The following CELA1 variants were observed in gnomAD, a reference collection of about 807,000 sequenced individuals.
CELA1 encodes chymotrypsin like elastase 1.
Under a neutral mutation model 34.8 loss-of-function variants are expected in CELA1, and 28 were observed. The ratio of observed to expected loss-of-function variants is 0.80; its 90% CI spans 0.60 to 1.10. CELA1 has a LOEUF of 1.10. Ranked by LOEUF, CELA1 falls within the 50% of genes least tolerant of loss-of-function variation. The probability of loss-of-function intolerance (pLI) is 0.00; values close to 1 mark genes in which losing one functional copy is unlikely to be tolerated. For synonymous variants in CELA1, 140 were observed against 129.8 expected, an observed-to-expected ratio of 1.08 and a Z score of -0.53; for missense variants, 288 against 327.5, an observed-to-expected ratio of 0.88 and a Z score of 0.93.
chr12:51,328,673 G>A lies in CELA1; in HGVS notation c.760-79C>T, dbSNP rs17860372. ...TTGTTTCCTCAGGGCTCCCAGTTAA[G>A]TATGGTTTTGTACTGGGTTTATGGG... On this transcript the variant is annotated intron_variant, in intron 7 of 7. Coordinates refer to ENST00000293636, the MANE Select transcript of CELA1 (RefSeq NM_001971.6). The A allele has an allele frequency of 6.8e-4, 1,029 of 1,511,234 alleles. 2 individuals carry two copies. The highest frequency in any genetic ancestry group is 8.8e-4 in the Non-Finnish European group (953 of 1,087,288). The allele number at this position is 1,511,234 out of a possible 1,614,324, so 93.6% of individuals were successfully genotyped here.
At chr12:51,333,324 C>G (rs1946481829) in intron 6 of CELA1, among the ~76,000 whole-genome samples, 1 of 151,768 alleles carries the variant, frequency 6.6e-6, no homozygotes, top group Admixed American at 6.6e-5. Flanking sequence ...GAACTCCTGA[C>G]CTCAGGTGAT....
Position 51,343,836 on chromosome 12 carries a change from C to T in CELA1, c.117G>A (p.Arg39=). 1 of 1,597,554 alleles carries T rather than the reference C, an allele frequency of 6.3e-7. No homozygotes were observed. The highest frequency in any genetic ancestry group is 8.6e-7 in the Non-Finnish European group (1 of 1,166,828). ...SWPSQISLQY[R]SGGSRYHTCG... is the part of the protein sequence containing the mutation. ...AGGTGTGATACCGGGAACCTCCAGA[C>T]CGGTACTGGAGGGAAATCTAGATGG... The change falls in exon 3 of 8, where the codon CGG becomes CGA. Residue 39 remains arginine, a synonymous_variant. Coordinates refer to ENST00000293636, the MANE Select transcript of CELA1 (RefSeq NM_001971.6).
rs1349288832 is a variant in CELA1 at position 51,334,364 on chromosome 12, G to T, written c.610-4531C>A. 9.2e-5 allele frequency among the ~76,000 whole-genome samples: 14 copies of T among 152,252 alleles called. No homozygotes were observed. In the East Asian group the frequency reaches 2.7e-3, roughly 29 times the overall value. On this transcript the variant is annotated intron_variant, in intron 6 of 7. Coordinates refer to ENST00000293636, the MANE Select transcript of CELA1 (RefSeq NM_001971.6). The stretch of plus-strand genomic sequence containing the variant: ...AAATGTTAATACCAGGAAAGTCTAG[G>T]GCAAACTAGGATGAATTGGCTACTT...
rs1946533633 is a variant in CELA1 at position 51,341,348 on chromosome 12, C to T, written c.359G>A (p.Ser120Asn). ...YDIALLRLAQ[S>N]VTLNSYVQLG... is the part of the protein sequence containing the mutation. Reference sequence around the variant, plus strand: ...CTGGACATAGCTATTGAGGGTAACGCTCTGGGCCAGGCGCAGCAGGGCGAT... The same window carrying T: ...CTGGACATAGCTATTGAGGGTAACGTTCTGGGCCAGGCGCAGCAGGGCGAT... Residue 120 changes from serine (S) to asparagine (N), a missense_variant, in exon 5 of 8, where the codon AGC (serine) becomes AAC (asparagine). Coordinates refer to ENST00000293636, the MANE Select transcript of CELA1 (RefSeq NM_001971.6). The T allele has an allele frequency of 6.2e-7, 1 of 1,614,158 alleles. No individual in the cohort carries two copies. Among genetic ancestry groups the T allele is most frequent in the East Asian group, 2.2e-5 (1 of 44,886 alleles).
chr12:51,341,403 T>C, intron 4 of CELA1, 23 bp from the exon 5 acceptor site: 1 of 1,613,724 alleles, frequency 6.2e-7, no homozygotes, highest in South Asian at 1.1e-5. Flanking sequence ...AGGAGACTGC[T>C]CACTCATGGG....
At chr12:51,339,384 C>T (rs933537621) in intron 6 of CELA1, among the ~76,000 whole-genome samples, 1 of 152,178 alleles carries the variant, frequency 6.6e-6, no homozygotes, top group African/African-American at 2.4e-5. Flanking sequence ...AACCCTGTCT[C>T]TACTAAAAAT....
intron 6 of CELA1, among the ~76,000 whole-genome samples, chr12:51,334,763 A>G (rs1443561857): frequency 6.6e-6 from 1 of 152,122 alleles, no homozygotes; most frequent in African/African-American, 2.4e-5. Context: ...AGTTTCAGCC[A>G]GCCTGCCAGC....
At chr12:51,333,054 T>C (rs1186945705) in intron 6 of CELA1, among the ~76,000 whole-genome samples, 1 of 151,238 alleles carries the variant, frequency 6.6e-6, no homozygotes, top group Non-Finnish European at 1.5e-5. Flanking sequence ...CTCAGCCGCC[T>C]GAGTAGCTGG....
At chr12:51,329,127 GCCTATAATC>G (rs1946452800) in intron 7 of CELA1, among the ~76,000 whole-genome samples, 1 of 151,864 alleles carries the variant, frequency 6.6e-6, no homozygotes. Context: ...GGTGGTGCAT[GCCTATAATC>G]CCAACTACTT....
At chr12:51,336,958 A>G (rs1946502572) in intron 6 of CELA1, among the ~76,000 whole-genome samples, 2 of 152,198 alleles carry the variant, frequency 1.3e-5, no homozygotes, top group Admixed American at 1.3e-4. Flanking sequence ...GAACAATTCT[A>G]AAAGGTGAAT....
Position 51,345,939 on chromosome 12 carries a change from G to A in CELA1, c.17-62C>T, listed in dbSNP as rs564811658. Reference sequence around the variant, plus strand: ...CATGGGGTCAGCCAGGGGTAGGGGTGGGGGGTGGCGATTGTGCTTTGAGGA... The same window carrying A: ...CATGGGGTCAGCCAGGGGTAGGGGTAGGGGGTGGCGATTGTGCTTTGAGGA... On this transcript the variant is annotated intron_variant, in intron 1 of 7. Transcript: ENST00000293636. The A allele has an allele frequency of 5.2e-6, 6 of 1,148,662 alleles. No individual in the cohort carries two copies. The South Asian group carries it at 5.6e-5, about 11-fold the overall frequency. 71.2% of individuals were successfully genotyped at this position (1,148,662 alleles called of 1,614,324 possible).
intron 2 of CELA1, among the ~76,000 whole-genome samples, chr12:51,344,368 T>C (rs1946554250): frequency 6.6e-6 from 1 of 152,228 alleles, no homozygotes; most frequent in Non-Finnish European, 1.5e-5. Context: ...ACTCCTTTTT[T>C]GGAACTCCTT....
chr12:51,338,409 T>A lies in CELA1; in HGVS notation c.609+1451A>T, dbSNP rs73309753. Among the ~76,000 whole-genome samples the A allele has an allele frequency of 1.2e-3, 185 of 152,192 alleles. 1 individual carries two copies. The highest frequency in any genetic ancestry group is 4.1e-3 in the African/African-American group (172 of 41,518). ...ATTCGGCTTGTGGACCTCCAGCCGC[T>A]GCTCTACTCTAGCCTTAGGGAATGC... On this transcript the variant is annotated intron_variant, in intron 6 of 7. Coordinates refer to ENST00000293636, the MANE Select transcript of CELA1 (RefSeq NM_001971.6).
chr12:51,332,289 G>A (rs377227937), intron 6 of CELA1, among the ~76,000 whole-genome samples: 3 of 151,956 alleles, frequency 2.0e-5, no homozygotes, highest in East Asian at 1.9e-4. Context: ...AGTAAATGCC[G>A]AATGTTGATC....
intron 4 of CELA1, 98 bp downstream of exon 4, chr12:51,342,476 CA>C (rs1160613161): frequency 1.7e-5 from 26 of 1,538,382 alleles, no homozygotes; most frequent in Non-Finnish European, 4.4e-6. Context: ...TCAGGCCATG[CA>C]ATCCCTCTAG....
At chr12:51,343,171 A>C (rs1946548101) in intron 3 of CELA1, among the ~76,000 whole-genome samples, 1 of 152,224 alleles carries the variant, frequency 6.6e-6, no homozygotes, top group Non-Finnish European at 1.5e-5. Flanking sequence ...AATGGCTCTC[A>C]GCCACCAAGA....
At chr12:51,329,410 T>C (rs1280074433) in intron 7 of CELA1, among the ~76,000 whole-genome samples, 1 of 152,152 alleles carries the variant, frequency 6.6e-6, no homozygotes, top group Non-Finnish European at 1.5e-5. Flanking sequence ...GGCACTGATA[T>C]GTCCCTGATT....
intron 7 of CELA1, 74 bp downstream of exon 7, chr12:51,329,610 G>A (rs980579348): frequency 7.6e-6 from 11 of 1,448,764 alleles, no homozygotes; most frequent in East Asian, 2.4e-5. Context: ...TCCATCCAAC[G>A]TTTGTTCCCC....
chr12:51,335,625 C>T (rs1328504171), intron 6 of CELA1, among the ~76,000 whole-genome samples: 2 of 139,602 alleles, frequency 1.4e-5, no homozygotes, highest in East Asian at 2.1e-4. Context: ...TTTTTTTGTT[C>T]TTCCTTTTTT....
Sources: gnomAD v4.1 joint callset for allele counts (sites outside exome capture counted in the v4.1 genomes callset) on GRCh38, gnomAD v4.1.1 for gene constraint, MANE v1.5 for transcripts, NCBI Gene and HGNC (gene_info 2026-07-23, HGNC 2026-07-21) for gene names.